RALYL: variants seen among roughly 807,000 people sequenced by gnomAD.
RALYL encodes RNA-binding Raly-like protein.
A neutral mutation model predicts 35.1 loss-of-function variants in RALYL; 29 were observed. The observed-to-expected ratio is 0.83, with a 90% CI of 0.61 to 1.13. The LOEUF is 1.13. Ranked by LOEUF, RALYL falls within the 50% of genes most tolerant of loss-of-function variation. RALYL has a pLI of 0.00. For synonymous variants in RALYL, 120 were observed against 127.6 expected (o/e 0.94, Z 0.40); for missense variants, 359 against 360.4 (o/e 1.00, Z 0.03).
chr8:84,403,811 A>G (rs573423545), intron 1 of RALYL, among the ~76,000 whole-genome samples: 1 of 152,022 alleles, frequency 6.6e-6, no homozygotes, highest in Non-Finnish European at 1.5e-5. Context: ...CTTCCTATCC[A>G]TGAGCATGGA....
At chr8:84,317,869 T>C (rs993222649) in intron 1 of RALYL, among the ~76,000 whole-genome samples, 3 of 152,182 alleles carry the variant, frequency 2.0e-5, no homozygotes, top group Admixed American at 2.0e-4. Flanking sequence ...ATTTTATGCT[T>C]CTTTTTATTC....
chr8:84,729,083 G>A (rs1845594481), intron 2 of RALYL, among the ~76,000 whole-genome samples: 1 of 152,112 alleles, frequency 6.6e-6, no homozygotes, highest in Non-Finnish European at 1.5e-5. Flanking sequence ...CCATTTTCAT[G>A]ATATTGATTC....
At chr8:84,725,215 T>C (rs575696301) in intron 2 of RALYL, among the ~76,000 whole-genome samples, 1 of 151,870 alleles carries the variant, frequency 6.6e-6, no homozygotes, top group Admixed American at 6.6e-5. Context: ...TCTTAGGTTT[T>C]TTCTTTCTTG....
intron 2 of RALYL, among the ~76,000 whole-genome samples, chr8:84,647,914 T>C (rs1357897424): frequency 6.6e-6 from 1 of 152,106 alleles, no homozygotes; most frequent in African/African-American, 2.4e-5. Context: ...CTTAATCATT[T>C]TGTACCTAAT....
intron 2 of RALYL, among the ~76,000 whole-genome samples, chr8:84,641,581 T>C (rs190280562): frequency 1.2e-4 from 18 of 152,012 alleles, no homozygotes; most frequent in Admixed American, 6.6e-4. Context: ...TTTTCCATTT[T>C]TACCAGTTGA....
rs540167867 is a variant in RALYL, at chr8:84,807,625, C to T, written c.365+2823C>T. ...TATAGTGGTTGTACTAGTTTACATTCCCACCAGCAGTGTAGAAGTGTTCCC... is the reference window on the plus strand; with the variant it reads ...TATAGTGGTTGTACTAGTTTACATTTCCACCAGCAGTGTAGAAGTGTTCCC... On this transcript the variant is annotated intron_variant, in intron 4 of 8. Transcript: ENST00000521268. 4.6e-5 allele frequency among the ~76,000 whole-genome samples: 7 copies of T among 152,306 alleles called. No individual in the cohort carries two copies. In the South Asian group the frequency reaches 8.3e-4, roughly 18 times the overall value.
At chr8:84,395,129 A>G (rs972862397) in intron 1 of RALYL, among the ~76,000 whole-genome samples, 3 of 151,886 alleles carry the variant, frequency 2.0e-5, no homozygotes, top group African/African-American at 7.2e-5. Flanking sequence ...GACAATTATC[A>G]TAAGATCACT....
chr8:84,418,322 C>G (rs993454718), intron 1 of RALYL, among the ~76,000 whole-genome samples: 1 of 152,104 alleles, frequency 6.6e-6, no homozygotes, highest in African/African-American at 2.4e-5. Flanking sequence ...TCCATATAGA[C>G]TTCTTATGGA....
chr8:84,901,870 G>A (rs1028750790), intron 8 of RALYL, among the ~76,000 whole-genome samples: 1 of 152,148 alleles, frequency 6.6e-6, no homozygotes, highest in East Asian at 1.9e-4. Flanking sequence ...GAGGGCAAGA[G>A]TGGGAATTTG....
chr8:84,892,900 GATGCACT>G (rs1212238859), intron 8 of RALYL, among the ~76,000 whole-genome samples: 1 of 152,112 alleles, frequency 6.6e-6, no homozygotes, highest in Non-Finnish European at 1.5e-5. Context: ...ATTCTGTATT[GATGCACT>G]ATACATACAC....
chr8:84,409,136 A>G (rs1002472755), intron 1 of RALYL, among the ~76,000 whole-genome samples: 1 of 152,106 alleles, frequency 6.6e-6, no homozygotes, highest in Non-Finnish European at 1.5e-5. Context: ...TAGATCCTGC[A>G]TAATCTTGCA....
chr8:84,796,478 A>G (rs1023082296), intron 3 of RALYL, among the ~76,000 whole-genome samples: 1 of 152,230 alleles, frequency 6.6e-6, no homozygotes, highest in African/African-American at 2.4e-5. Context: ...TAGGCAATAA[A>G]TGAATTTTTA....
At chr8:84,401,430 G>A (rs2042881469) in intron 1 of RALYL, among the ~76,000 whole-genome samples, 1 of 151,774 alleles carries the variant, frequency 6.6e-6, no homozygotes, top group South Asian at 2.1e-4. Flanking sequence ...GAGGTCAGGA[G>A]ATCGAGACCA....
chr8:84,533,715 C>A (rs1278211031), intron 2 of RALYL, among the ~76,000 whole-genome samples: 1 of 152,068 alleles, frequency 6.6e-6, no homozygotes, highest in Non-Finnish European at 1.5e-5. Flanking sequence ...AATTGTATCA[C>A]ATTGTAAGTG....
At chr8:84,579,809 A>G (rs1340413427) in intron 2 of RALYL, among the ~76,000 whole-genome samples, 2 of 152,252 alleles carry the variant, frequency 1.3e-5, no homozygotes, top group African/African-American at 4.8e-5. Context: ...ATTTTCCAAG[A>G]TAAAATAATG....
At chr8:84,422,413 A>G (rs925574158) in intron 1 of RALYL, among the ~76,000 whole-genome samples, 1 of 135,014 alleles carries the variant, frequency 7.4e-6, no homozygotes, top group African/African-American at 3.0e-5. Context: ...ATCATTTTTT[A>G]TTATGTCTAT....
At chr8:84,633,513 C>T (rs907856713) in intron 2 of RALYL, among the ~76,000 whole-genome samples, 3 of 151,750 alleles carry the variant, frequency 2.0e-5, no homozygotes, top group South Asian at 2.1e-4. Context: ...AGTAGTTTCA[C>T]GCATAAACAT....
intron 4 of RALYL, among the ~76,000 whole-genome samples, chr8:84,836,239 T>C (rs1434550758): frequency 6.6e-6 from 1 of 152,206 alleles, no homozygotes; most frequent in African/African-American, 2.4e-5. Flanking sequence ...CACTGGTCTA[T>C]CAATTAAAGT....
intron 1 of RALYL, among the ~76,000 whole-genome samples, chr8:84,470,942 A>G (rs1047136361): frequency 6.6e-6 from 1 of 152,202 alleles, no homozygotes; most frequent in Admixed American, 6.5e-5. Context: ...TGCAGATGTC[A>G]TGTTACTATG....
Sources: gnomAD v4.1 joint callset for allele counts (sites outside exome capture counted in the v4.1 genomes callset) on GRCh38, gnomAD v4.1.1 for gene constraint, MANE v1.5 for transcripts, NCBI Gene and HGNC (gene_info 2026-07-23, HGNC 2026-07-21) for gene names.